Variants in CARD9 observed in about 807,000 individuals in gnomAD.
The protein encoded by CARD9 is caspase recruitment domain family member 9.
In CARD9, 53 loss-of-function variants were observed where a neutral mutation model predicts 66.0. The ratio of observed to expected loss-of-function variants is 0.80; its 90% CI spans 0.64 to 1.01. The LOEUF is 1.01. Ranked by LOEUF, CARD9 falls within the 50% of genes least tolerant of loss-of-function variation. The pLI, the probability that CARD9 is intolerant of heterozygous loss-of-function variation, is 0.00. For missense variants in CARD9, 769 were observed against 743.2 expected (o/e 1.03, Z -0.40); for synonymous variants, 387 against 313.8 (o/e 1.23, Z -2.47).
rs1564365542 is a variant in CARD9 at position 136,364,214 on chromosome 9, GAAGTCTGCGCCCCA to G, written c.*74_*87del. The G allele has an allele frequency of 6.4e-7, 1 of 1,550,540 alleles. No individual in the cohort carries two copies. Among genetic ancestry groups the G allele is most frequent in the Admixed American group, 2.0e-5 (1 of 51,008 alleles). On this transcript the variant is annotated 3_prime_UTR_variant, in exon 13 of 13. Coordinates refer to ENST00000371732, the MANE Select transcript of CARD9 (RefSeq NM_052813.5). ...CAGGCCAAGTCAGCGACGGCTCGGG[GAAGTCTGCGCCCCA>G]GGGCGTCGGCACCCCCGGGTGGCAG...
At chr9:136,369,615 G>A in intron 7 of CARD9, 135 bp downstream of exon 7, 7 of 1,495,332 alleles carry the variant, frequency 4.7e-6, no homozygotes, top group Non-Finnish European at 2.7e-6. Flanking sequence ...GGCCACCCTG[G>A]GTGACATAGC....
rs1390883686 is a variant in CARD9 at position 136,364,386 on chromosome 9, C to T, written c.1527G>A (p.Arg509=). The part of the protein sequence containing the change: ...FENYRRKRAL[R]KMQKGWRQGE... ...CCTGCCGCCATCCTTTCTGCATCTT[C>T]CTGAGGGCGCGCTTCCTGTGAAGAC... Residue 509 remains arginine (R), a synonymous_variant, in exon 13 of 13, where the codon AGG becomes AGA. Transcript: ENST00000371732. 5 of 1,558,848 alleles carry T rather than the reference C, an allele frequency of 3.2e-6. No homozygotes were observed. Among genetic ancestry groups the T allele is most frequent in the Non-Finnish European group, 4.3e-6 (5 of 1,154,242 alleles).
intron 10 of CARD9, 24 bp downstream of exon 10, chr9:136,366,776 G>A: frequency 6.2e-7 from 1 of 1,612,784 alleles, no homozygotes; most frequent in Non-Finnish European, 8.5e-7. Flanking sequence ...GAGGCCTCTG[G>A]GTGTACTGCT....
intron 2 of CARD9, among the ~76,000 whole-genome samples, 163 bp downstream of exon 2, chr9:136,371,732 C>T (rs1406089901): frequency 2.6e-5 from 4 of 152,174 alleles, no homozygotes; most frequent in Non-Finnish European, 4.4e-5. Context: ...GGCTGGGGGA[C>T]GGGCCACGTG....
At position 136,370,969 on chromosome 9, in the gene CARD9, C is replaced by T. The variant is rs1464905457; in HGVS notation, c.499G>A (p.Glu167Lys). The change falls in exon 4 of 13, where the codon GAG becomes AAG. Residue 167 changes from glutamate (E) to lysine (K), a missense_variant. Transcript: ENST00000371732. ...AGCTCGCGGCTGCCGGCCTCGCACT[C>T]CTCCTTGAGCCTCTGCACACGCTCC... ...HQERVQRLKE[E>K]CEAGSRELKR... is the part of the protein sequence containing the mutation. The T allele has an allele frequency of 6.2e-7, 1 of 1,610,598 alleles. No homozygotes were observed. The highest frequency in any genetic ancestry group is 2.2e-5 in the East Asian group (1 of 44,786).
intron 10 of CARD9, chr9:136,365,795 T>TCCTGGCCATTGGCAGC (rs1409503324): frequency 6.5e-6 from 1 of 153,984 alleles, no homozygotes; most frequent in Non-Finnish European, 1.4e-5. Context: ...GCCAGGGCTG[T>TCCTGGCCATTGGCAGC]CCTGGCCATT....
At chr9:136,371,188 G>A in intron 3 of CARD9, 43 bp from the exon 4 acceptor site, 1 of 1,606,642 alleles carries the variant, frequency 6.2e-7, no homozygotes. Flanking sequence ...GTTCCCCGGT[G>A]GCCCAGCTCC....
chr9:136,371,510 G>A (rs1833273184), intron 2 of CARD9, 49 bp from the exon 3 acceptor site: 2 of 1,526,656 alleles, frequency 1.3e-6, no homozygotes, highest in Admixed American at 2.0e-5. Context: ...GCGAGGCAGA[G>A]GGCTGGGGTG....
At position 136,371,068 on chromosome 9, in the gene CARD9, T is replaced by G; in HGVS notation, c.400A>C (p.Thr134Pro). Residue 134 changes from threonine to proline, a missense_variant, in exon 4 of 13, where the codon ACC becomes CCC. Coordinates refer to ENST00000371732, the MANE Select transcript of CARD9 (RefSeq NM_052813.5). ...MKLQKKVQDL[T>P]ALLSSKDDFI... ...TCATCTTTGGAGCTCAGCAGCGCGGTCAGGTCCTGCACCTTCTTCTGCAGC... is the reference window on the plus strand; with the variant it reads ...TCATCTTTGGAGCTCAGCAGCGCGGGCAGGTCCTGCACCTTCTTCTGCAGC... 6.2e-7 allele frequency: 1 copy of G among 1,612,690 alleles called. No homozygotes were observed. The highest frequency in any genetic ancestry group is 8.5e-7 in the Non-Finnish European group (1 of 1,179,942).
At chr9:136,364,994 C>T in intron 11 of CARD9, 147 bp downstream of exon 11, 2 of 730,356 alleles carry the variant, frequency 2.7e-6, no homozygotes, top group Non-Finnish European at 4.5e-6. Flanking sequence ...CACCGCACCC[C>T]GAGCACTGTG....
Position 136,371,965 on chromosome 9 carries a change from C to T in CARD9, c.114G>A (p.Lys38=). ...GCTCCTCATCATCGGGGTTCAGGAC[C>T]TTGCACTGCCGCAGGTAAGGTGTGA... The part of the protein sequence containing the change: ...SRITPYLRQC[K]VLNPDDEEQV... The change falls in exon 2 of 13, where the codon AAG becomes AAA. Residue 38 remains lysine (K), a synonymous_variant. Coordinates refer to ENST00000371732, the MANE Select transcript of CARD9 (RefSeq NM_052813.5). 1 of 1,612,626 alleles carries T rather than the reference C, an allele frequency of 6.2e-7. No homozygotes were observed.
intron 10 of CARD9, 44 bp from the exon 11 acceptor site, chr9:136,365,261 G>T (rs757008874): frequency 6.3e-7 from 1 of 1,580,546 alleles, no homozygotes. Context: ...CATCTGCTGG[G>T]CCACGTATAG....
intron 4 of CARD9, 52 bp downstream of exon 4, chr9:136,370,789 C>A (rs1195743312): frequency 2.5e-6 from 4 of 1,600,510 alleles, no homozygotes. Flanking sequence ...GGCCTGCAGA[C>A]CCCGCCAGGC....
chr9:136,370,302 G>A lies in CARD9; in HGVS notation c.943C>T (p.Arg315Cys), dbSNP rs778923486. 1.4e-5 allele frequency: 22 copies of A among 1,603,680 alleles called. No homozygotes were observed. The highest frequency in any genetic ancestry group is 8.4e-5 in the Admixed American group (5 of 59,778). ...CCCGCCTGCCCTCCTACCCGGAGGCGTCGGGCCTCGCCCTGGCGGAGGTCC... is the reference window on the plus strand; with the variant it reads ...CCCGCCTGCCCTCCTACCCGGAGGCATCGGGCCTCGCCCTGGCGGAGGTCC... ...RKDLRQGEAR[R>C]LRCMEEKEMF... The change falls in exon 6 of 13, where the codon CGC (arginine) becomes TGC (cysteine). Residue 315 changes from arginine to cysteine, a missense_variant. Physicochemically the swap from Arg to Cys is radical, Grantham distance 180. Coordinates refer to ENST00000371732, the MANE Select transcript of CARD9 (RefSeq NM_052813.5).
chr9:136,366,846 C>T lies in CARD9; in HGVS notation c.1312-1G>A. 1 of 1,613,028 alleles carries T rather than the reference C, an allele frequency of 6.2e-7. No individual in the cohort carries two copies. Among genetic ancestry groups the T allele is most frequent in the Non-Finnish European group, 8.5e-7 (1 of 1,179,932 alleles). The stretch of plus-strand genomic sequence containing the variant: ...CCTCCAGGTCCTGGGGGAGTGAGAG[C>T]TTCCAAAGAGAGTCAAGATGTCCCA... On this transcript the variant is annotated splice_acceptor_variant, in intron 9 of 12. Transcript: ENST00000371732. LOFTEE classifies it high-confidence loss of function.
At chr9:136,368,580 T>C (rs1342973747) in intron 7 of CARD9, among the ~76,000 whole-genome samples, 2 of 152,222 alleles carry the variant, frequency 1.3e-5, no homozygotes, top group African/African-American at 4.8e-5. Flanking sequence ...ATCCAGCATT[T>C]AGCCGAAGCA....
intron 7 of CARD9, 146 bp downstream of exon 7, chr9:136,369,604 A>C: frequency 6.8e-7 from 1 of 1,473,994 alleles, no homozygotes; most frequent in Non-Finnish European, 9.0e-7. Context: ...CAGTAGTTTG[A>C]GGCCACCCTG....
intron 12 of CARD9, 25 bp from the exon 13 acceptor site, chr9:136,364,426 C>T (rs1420640472): frequency 1.3e-6 from 2 of 1,542,338 alleles, no homozygotes; most frequent in Non-Finnish European, 8.7e-7. Context: ...GTCTCAGGCG[C>T]GACCCGGCTG....
At position 136,367,777 on chromosome 9, in the gene CARD9, C is replaced by T. The variant is rs747779269; in HGVS notation, c.1129G>A (p.Glu377Lys). 6.2e-7 allele frequency: 1 copy of T among 1,604,268 alleles called. No individual in the cohort carries two copies. Among genetic ancestry groups the T allele is most frequent in the East Asian group, 2.2e-5 (1 of 44,846 alleles). Reference sequence around the variant, plus strand: ...ACCTGCTTGCGCAGCGCGTCCTTCTCCTGCAGGCCCCGGGCGTGCTGTGCG... The same window carrying T: ...ACCTGCTTGCGCAGCGCGTCCTTCTTCTGCAGGCCCCGGGCGTGCTGTGCG... Reference protein sequence around the residue: ...LHAQHARGLQEKDALRKQVRE... With the variant: ...LHAQHARGLQKKDALRKQVRE... Residue 377 changes from glutamate (E) to lysine (K), a missense_variant, in exon 8 of 13, where the codon GAG (glutamate) becomes AAG (lysine). Coordinates refer to ENST00000371732, the MANE Select transcript of CARD9 (RefSeq NM_052813.5).
Sources: allele counts gnomAD v4.1 joint callset (sites outside exome capture counted in the v4.1 genomes callset), GRCh38; gene constraint gnomAD v4.1.1; transcripts MANE v1.5; gene names NCBI Gene and HGNC (gene_info 2026-07-23, HGNC 2026-07-21).